Variants in RNF213 observed in about 807,000 individuals in gnomAD.
The protein encoded by RNF213 is E3 ubiquitin-protein ligase RNF213.
In RNF213, 341 loss-of-function variants were observed where a neutral mutation model predicts 514.4. The ratio of observed to expected loss-of-function variants is 0.66; its 90% CI spans 0.61 to 0.73. The LOEUF (loss-of-function observed/expected upper bound fraction) is 0.73, where lower values mean the gene tolerates loss of function less well. RNF213 is among the 30% of genes least tolerant of loss of function. The pLI is 0.00. For synonymous variants in RNF213, 2,655 were observed against 2,658.2 expected (o/e 1.00, Z 0.04); for missense variants, 5,767 against 6,615.6 (o/e 0.87, Z 4.45).
At chr17:80,391,764 T>C (rs2080482468) in intron 67 of RNF213, among the ~76,000 whole-genome samples, 1 of 124,920 alleles carries the variant, frequency 8.0e-6, no homozygotes, top group Non-Finnish European at 1.7e-5. Flanking sequence ...ACTAGCCTTT[T>C]TTTTTTTTTT....
At chr17:80,311,348 G>A (rs774371656) in intron 14 of RNF213, among the ~76,000 whole-genome samples, 5 of 152,250 alleles carry the variant, frequency 3.3e-5, no homozygotes, top group Non-Finnish European at 7.3e-5. Context: ...GGCTCCGGAG[G>A]TCTGTGCAGC....
intron 28 of RNF213, 21 bp from the exon 29 acceptor site, chr17:80,344,657 A>AT (rs772768933): frequency 2.8e-5 from 45 of 1,613,818 alleles, no homozygotes; most frequent in Middle Eastern, 3.3e-4. Flanking sequence ...TAACCATTTC[A>AT]TTAATGTCTC....
In RNF213 at chr17:80,339,939, A is replaced by G. The variant is rs1300552394; in HGVS notation, c.5572A>G (p.Thr1858Ala). ...YMQTPSQPLPTYDEVLLCTPA... is the reference protein window; with the variant it reads ...YMQTPSQPLPAYDEVLLCTPA... ...GCAAACCCCAAGCCAGCCCCTGCCC[A>G]CTTACGATGAGGTGCTGCTCTGCAC... Residue 1858 changes from threonine (T) to alanine (A), a missense_variant, in exon 26 of 68, where the codon ACT (threonine) becomes GCT (alanine). Coordinates refer to ENST00000582970, the MANE Select transcript of RNF213 (RefSeq NM_001256071.3). 2.0e-6 allele frequency: 3 copies of G among 1,536,598 alleles called. No individual in the cohort carries two copies. In the East Asian group the frequency reaches 7.3e-5, roughly 38 times the overall value.
rs2079062216 is a variant in RNF213 at position 80,361,731 on chromosome 17, C to T, written c.11201-3C>T. ...AGGCCGCTCCTTGGTTTCCTCTCTG[C>T]AGGACTGCCCAAGAAGTTCGTGGAC... On this transcript the variant is annotated splice_polypyrimidine_tract_variant and splice_region_variant and intron_variant, in intron 38 of 67. Coordinates refer to ENST00000582970, the MANE Select transcript of RNF213 (RefSeq NM_001256071.3). 6.2e-7 allele frequency: 1 copy of T among 1,613,026 alleles called. No homozygotes were observed.
At chr17:80,297,438 A>G (rs2044996976) in intron 10 of RNF213, among the ~76,000 whole-genome samples, 1 of 146,972 alleles carries the variant, frequency 6.8e-6, no homozygotes. Context: ...CGACACAGTG[A>G]GACTTCATCT....
intron 17 of RNF213, among the ~76,000 whole-genome samples, chr17:80,322,948 GC>G (rs1312428092): frequency 6.6e-6 from 1 of 152,064 alleles, no homozygotes; most frequent in Non-Finnish European, 1.5e-5. Context: ...AGAATCCTTT[GC>G]CAAATCCTAG....
chr17:80,298,580 C>A, intron 11 of RNF213, 62 bp downstream of exon 11: 1 of 1,570,934 alleles, frequency 6.4e-7, no homozygotes, highest in Non-Finnish European at 8.7e-7. Context: ...ACATTGTGCA[C>A]CCGGAGTCCC....
intron 20 of RNF213, among the ~76,000 whole-genome samples, chr17:80,329,096 C>G (rs2046348785): frequency 6.6e-6 from 1 of 152,230 alleles, no homozygotes; most frequent in Non-Finnish European, 1.5e-5. Context: ...CAACCCTGGG[C>G]TGCAGACGTA....
At position 80,393,445 on chromosome 17, in the gene RNF213, G is replaced by A. The variant is rs766239398; in HGVS notation, c.15571G>A (p.Val5191Ile). The part of the protein sequence containing the change: ...FPEEILLASC[V>I]SVWKTAAVLK... ...AGAAGAGATACTGCTCGCCAGCTGT[G>A]TCTCAGTGTGGAAAACAGCTGCTGT... Residue 5191 changes from valine to isoleucine, a missense_variant, in exon 68 of 68, where the codon GTC (valine) becomes ATC (isoleucine). By Grantham distance (29) the Val-to-Ile change is conservative. This residue lies in a region of RNF213 where 1,245 missense variants were observed against 1,339.0 expected (regional missense o/e 0.93). Transcript: ENST00000582970. The A allele has an allele frequency of 1.4e-5, 22 of 1,614,176 alleles. No homozygotes were observed. In the Admixed American group the frequency reaches 3.7e-4, roughly 27 times the overall value.
chr17:80,342,745 T>A (rs573863090), intron 26 of RNF213, among the ~76,000 whole-genome samples: 13 of 143,960 alleles, frequency 9.0e-5, no homozygotes, highest in African/African-American at 1.8e-4. Context: ...ATATATATAT[T>A]GTATGTATAT....
intron 10 of RNF213, 52 bp from the exon 11 acceptor site, chr17:80,298,269 A>T: frequency 6.3e-7 from 1 of 1,591,652 alleles, no homozygotes; most frequent in Non-Finnish European, 8.6e-7. Context: ...ACTCCCAGGG[A>T]GATGACTCCC....
rs1186796511 is a variant in RNF213 at position 80,396,252 on chromosome 17, A to C, written c.*2754A>C. The C allele has an allele frequency of 8.5e-6, 1 of 117,440 alleles. No homozygotes were observed. Among genetic ancestry groups the C allele is most frequent in the Non-Finnish European group, 1.8e-5 (1 of 57,066 alleles). The allele number at this position is 117,440 out of a possible 1,614,324, so 7.3% of individuals were successfully genotyped here. A position where few individuals can be genotyped will look rare whatever the true frequency, so the allele number is the denominator to read the frequency against. ...ACTCCAACCTGGGTGACAGAGTGAG[A>C]CCCTGTCTCAAAAAAAAATAAAATA... On this transcript the variant is annotated 3_prime_UTR_variant, in exon 68 of 68. Coordinates refer to ENST00000582970, the MANE Select transcript of RNF213 (RefSeq NM_001256071.3).
chr17:80,343,055 G>A lies in RNF213; in HGVS notation c.5990-77G>A, dbSNP rs1173140779. The A allele has an allele frequency of 1.3e-5, 16 of 1,200,998 alleles. No individual in the cohort carries two copies. The highest frequency in any genetic ancestry group is 5.3e-5 in the Admixed American group (3 of 56,900). The allele number at this position is 1,200,998 out of a possible 1,614,324, so 74.4% of individuals were successfully genotyped here. On this transcript the variant is annotated intron_variant, in intron 26 of 67. Coordinates refer to ENST00000582970, the MANE Select transcript of RNF213 (RefSeq NM_001256071.3). This position sits in a 1 kb window ranked among gnomAD's most constrained non-coding sequence, Gnocchi z 4.3. Reference sequence around the variant, plus strand: ...ACTCCTGACCTCAAGTGATCCCCCCGCCTCGGCCTCCCAAAGTGCTAGGAT... The same window carrying A: ...ACTCCTGACCTCAAGTGATCCCCCCACCTCGGCCTCCCAAAGTGCTAGGAT...
chr17:80,393,281 C>T, intron 67 of RNF213, 64 bp from the exon 68 acceptor site: 1 of 1,363,040 alleles, frequency 7.3e-7, no homozygotes, highest in South Asian at 1.1e-5. Context: ...CAGTGCTGGG[C>T]TTACACACGT....
intron 2 of RNF213, among the ~76,000 whole-genome samples, chr17:80,266,570 C>T (rs2043617704): frequency 6.6e-6 from 1 of 152,054 alleles, no homozygotes; most frequent in Non-Finnish European, 1.5e-5. Flanking sequence ...GGTGCCATTT[C>T]AGCTCACTGC....
At chr17:80,365,436 C>CTTCT (rs35943283) in intron 42 of RNF213, 124,056 of 152,036 alleles carry the variant, frequency 0.82, 51,389 homozygotes, top group African/African-American at 0.89. Context: ...GCCCACGCTC[C>CTTCT]GTCTTGTCCC....
chr17:80,364,836 C>A, intron 42 of RNF213: 1 of 420,394 alleles, frequency 2.4e-6, no homozygotes, highest in Non-Finnish European at 4.5e-6. Flanking sequence ...GCTTGTGAAA[C>A]CTTCGGCAGG....
Position 80,352,972 on chromosome 17 carries a change from C to T in RNF213, c.10336C>T (p.Arg3446Trp), listed in dbSNP as rs776943470. 43 of 1,613,920 alleles carry T rather than the reference C, an allele frequency of 2.7e-5. No individual in the cohort carries two copies. Among genetic ancestry groups the T allele is most frequent in the East Asian group, 4.5e-5 (2 of 44,900 alleles). ...GCAGTCTGTCCACATCGATGACCTC[C>T]GGAGATCCACCCTCATGGTTTCTGA... ...LWQSVHIDDLRRSTLMVSDVT... is the reference protein window; with the variant it reads ...LWQSVHIDDLWRSTLMVSDVT... Residue 3446 changes from arginine (R) to tryptophan (W), a missense_variant, in exon 33 of 68, where the codon CGG becomes TGG. Arg to Trp is a moderately radical substitution (Grantham distance 101). Around this residue, in one of 13 missense-constraint regions of RNF213, gnomAD observed 919 missense variants for 1,121.0 expected, o/e 0.82. Transcript: ENST00000582970.
rs770487709 is a variant in RNF213, at chr17:80,373,029, G to T, written c.12806G>T (p.Arg4269Leu). 1 of 1,613,984 alleles carries T rather than the reference G, an allele frequency of 6.2e-7. No homozygotes were observed. The highest frequency in any genetic ancestry group is 8.5e-7 in the Non-Finnish European group (1 of 1,179,986). ...CAGCAAGTCAAGCAGTTCTGTATCC[G>T]GGTGGAGAACGACTGGCACCGGGTG... is the stretch of plus-strand genomic sequence containing the variant. ...YLQQVKQFCI[R>L]VENDWHRVYL... The change falls in exon 49 of 68, where the codon CGG becomes CTG. Residue 4269 changes from arginine to leucine, a missense_variant. Coordinates refer to ENST00000582970, the MANE Select transcript of RNF213 (RefSeq NM_001256071.3).
Sources: allele counts gnomAD v4.1 joint callset (sites outside exome capture counted in the v4.1 genomes callset), GRCh38; gene constraint gnomAD v4.1.1; regional missense constraint gnomAD v4.1.1; non-coding constraint Gnocchi (gnomAD v3.1); transcripts MANE v1.5; gene names NCBI Gene and HGNC (gene_info 2026-07-23, HGNC 2026-07-21).